SEMA5A: variants seen among roughly 807,000 people sequenced by gnomAD.
SEMA5A encodes the protein semaphorin-5A.
A neutral mutation model predicts 135.5 loss-of-function variants in SEMA5A; 55 were observed. That is an observed-to-expected ratio of 0.41 (90% confidence interval 0.33 to 0.51). The LOEUF is 0.51. Among genes scored for constraint, SEMA5A ranks in the 20% least tolerant of loss-of-function variants. The pLI is 0.37. For missense variants in SEMA5A, 1,290 were observed against 1,419.9 expected, an observed-to-expected ratio of 0.91 and a Z score of 1.47; for synonymous variants, 580 against 546.5, an observed-to-expected ratio of 1.06 and a Z score of -0.85.
intron 10 of SEMA5A, among the ~76,000 whole-genome samples, chr5:9,193,110 A>C (rs1745204016): frequency 1.3e-5 from 2 of 152,198 alleles, no homozygotes; most frequent in South Asian, 4.1e-4. Context: ...TTCTTGGTTT[A>C]TTTTGCTGGC....
chr5:9,398,070 T>C (rs1339064602), intron 2 of SEMA5A, among the ~76,000 whole-genome samples: 1 of 152,164 alleles, frequency 6.6e-6, no homozygotes, highest in African/African-American at 2.4e-5. Context: ...TATGCCCAAC[T>C]TCTCTACAGG....
rs1272874956 is a variant in SEMA5A at position 9,217,547 on chromosome 5, G to A, written c.646+7127C>T. Reference sequence around the variant, plus strand: ...TTTGACTTTTGGCCTCTCTAGCAAAGTTGGGGAAGTTTTCATGGATGATAT... The same window carrying A: ...TTTGACTTTTGGCCTCTCTAGCAAAATTGGGGAAGTTTTCATGGATGATAT... On this transcript the variant is annotated intron_variant, in intron 8 of 22. Coordinates refer to ENST00000382496, the MANE Select transcript of SEMA5A (RefSeq NM_003966.3). Among the ~76,000 whole-genome samples, 3 of 152,288 alleles carry A rather than the reference G, an allele frequency of 2.0e-5. No individual in the cohort carries two copies. In the East Asian group the frequency reaches 5.8e-4, roughly 29 times the overall value.
At chr5:9,136,739 A>ATATGTAAGGT in intron 12 of SEMA5A, 118 bp from the exon 13 acceptor site, 1 of 788,334 alleles carries the variant, frequency 1.3e-6, no homozygotes, top group Non-Finnish European at 2.2e-6. Flanking sequence ...TATGAAGCCC[A>ATATGTAAGGT]ATGGGTATTT....
intron 2 of SEMA5A, among the ~76,000 whole-genome samples, chr5:9,391,292 G>A (rs1756150872): frequency 6.6e-6 from 1 of 152,182 alleles, no homozygotes; most frequent in South Asian, 2.1e-4. Flanking sequence ...TCCGTGTCAT[G>A]TGCCCTCCTG....
intron 1 of SEMA5A, among the ~76,000 whole-genome samples, chr5:9,493,230 T>C (rs1735121968): frequency 6.6e-6 from 1 of 151,064 alleles, no homozygotes; most frequent in Admixed American, 6.6e-5. Context: ...AATATAGGCC[T>C]ATTAGTTCAT....
At chr5:9,150,443 A>G (rs1742571135) in intron 12 of SEMA5A, among the ~76,000 whole-genome samples, 1 of 152,032 alleles carries the variant, frequency 6.6e-6, no homozygotes, top group Non-Finnish European at 1.5e-5. Flanking sequence ...CTTTTGAATG[A>G]TTTTCTCACT....
intron 2 of SEMA5A, among the ~76,000 whole-genome samples, chr5:9,398,595 G>C (rs1454355184): frequency 6.6e-6 from 1 of 152,226 alleles, no homozygotes; most frequent in Non-Finnish European, 1.5e-5. Flanking sequence ...GCATGGCTGA[G>C]GATACTGAAG....
chr5:9,485,502 G>C (rs527535273), intron 1 of SEMA5A, among the ~76,000 whole-genome samples: 1 of 152,284 alleles, frequency 6.6e-6, no homozygotes, highest in South Asian at 2.1e-4. Context: ...CGAAACAGAA[G>C]CTATAGAGAT....
chr5:9,049,932 C>A (rs761453073), intron 21 of SEMA5A, among the ~76,000 whole-genome samples: 1 of 152,154 alleles, frequency 6.6e-6, no homozygotes, highest in Admixed American at 6.5e-5. Context: ...TTAGTCATTT[C>A]AGTGGGTTGG....
intron 1 of SEMA5A, among the ~76,000 whole-genome samples, chr5:9,475,834 G>A (rs1173023497): frequency 6.6e-6 from 1 of 152,140 alleles, no homozygotes; most frequent in African/African-American, 2.4e-5. Context: ...AAGTGTTCAC[G>A]TTTTAAACTA....
rs144711935 is a variant in SEMA5A, at chr5:9,343,757, C to A, written c.125-5945G>T. ...GGCAGGTCTGTGCTGGTTTACTATG[C>A]TGTGTCTTGCCTGCTACCAGTTTCC... On this transcript the variant is annotated intron_variant, in intron 3 of 22. Coordinates refer to ENST00000382496, the MANE Select transcript of SEMA5A (RefSeq NM_003966.3). Among the ~76,000 whole-genome samples, 40 of 152,272 alleles carry A rather than the reference C, an allele frequency of 2.6e-4. 1 individual carries two copies. The highest frequency in any genetic ancestry group is 7.0e-4 in the African/African-American group (29 of 41,552).
intron 2 of SEMA5A, among the ~76,000 whole-genome samples, chr5:9,415,857 T>C (rs571513739): frequency 6.6e-6 from 1 of 152,370 alleles, no homozygotes; most frequent in Non-Finnish European, 1.5e-5. Flanking sequence ...AGATCTCTGA[T>C]GTAGCTGAAA....
chr5:9,145,382 T>C (rs1742275709), intron 12 of SEMA5A, among the ~76,000 whole-genome samples: 1 of 152,232 alleles, frequency 6.6e-6, no homozygotes, highest in South Asian at 2.1e-4. Flanking sequence ...ACCATCTGAA[T>C]GCAAAGCTCA....
At position 9,274,551 on chromosome 5, in the gene SEMA5A, C is replaced by T. The variant is rs148521166; in HGVS notation, c.271-36661G>A. Among the ~76,000 whole-genome samples, 375 of 152,298 alleles carry T rather than the reference C, an allele frequency of 2.5e-3. 4 individuals carry two copies. The highest frequency in any genetic ancestry group is 8.7e-3 in the African/African-American group (363 of 41,574). On this transcript the variant is annotated intron_variant, in intron 5 of 22. Transcript: ENST00000382496. Reference sequence around the variant, plus strand: ...ACATTATTTTCAGCACCATATCACACTTATTCTAAAATTGACCACGTAAGT... The same window carrying T: ...ACATTATTTTCAGCACCATATCACATTTATTCTAAAATTGACCACGTAAGT...
intron 2 of SEMA5A, among the ~76,000 whole-genome samples, chr5:9,408,223 T>TA (rs1756973701): frequency 6.6e-6 from 1 of 152,058 alleles, no homozygotes; most frequent in Admixed American, 6.6e-5. Context: ...CCACTACAGC[T>TA]AGCTAGAAGT....
At chr5:9,400,860 G>A (rs78147291) in intron 2 of SEMA5A, among the ~76,000 whole-genome samples, 11 of 152,052 alleles carry the variant, frequency 7.2e-5, no homozygotes, top group South Asian at 6.2e-4. Flanking sequence ...CTTTAAATAC[G>A]TTACATTATA....
chr5:9,286,060 G>T (rs577508293), intron 5 of SEMA5A, among the ~76,000 whole-genome samples: 1 of 151,988 alleles, frequency 6.6e-6, no homozygotes, highest in South Asian at 2.1e-4. Context: ...TTTTTTAAAA[G>T]GATGCTTCCT....
chr5:9,049,758 C>T (rs1452273855), intron 21 of SEMA5A, among the ~76,000 whole-genome samples: 1 of 152,170 alleles, frequency 6.6e-6, no homozygotes, highest in Non-Finnish European at 1.5e-5. Flanking sequence ...CAGGCATGTT[C>T]ACAACACAGA....
At chr5:9,051,803 C>A (rs1736591544) in intron 20 of SEMA5A, 70 bp downstream of exon 20, 2 of 1,587,966 alleles carry the variant, frequency 1.3e-6, no homozygotes, top group Non-Finnish European at 1.7e-6. Context: ...AAAACTCTGA[C>A]CTATGAATCA....
Sources: allele counts gnomAD v4.1 joint callset (sites outside exome capture counted in the v4.1 genomes callset), GRCh38; gene constraint gnomAD v4.1.1; transcripts MANE v1.5; gene names NCBI Gene and HGNC (gene_info 2026-07-23, HGNC 2026-07-21).